SEC63: variants seen among roughly 807,000 people sequenced by gnomAD.
The protein encoded by SEC63 is translocation protein SEC63 homolog.
In SEC63, 56 loss-of-function variants were observed where a neutral mutation model predicts 116.2. The ratio of observed to expected loss-of-function variants is 0.48; its 90% CI spans 0.39 to 0.60. The LOEUF (loss-of-function observed/expected upper bound fraction) is 0.60, where lower values mean the gene tolerates loss of function less well. Ranked by LOEUF, SEC63 falls within the 20% of genes least tolerant of loss-of-function variation. The probability of loss-of-function intolerance (pLI) is 0.00; values close to 1 mark genes in which losing one functional copy is unlikely to be tolerated. For missense variants in SEC63, 668 were observed against 900.0 expected, an observed-to-expected ratio of 0.74 and a Z score of 3.30; for synonymous variants, 273 against 294.6, an observed-to-expected ratio of 0.93 and a Z score of 0.75.
Position 107,876,573 on chromosome 6 carries a change from A to T in SEC63, c.2025T>A (p.Asp675Glu), listed in dbSNP as rs141211769. The T allele has an allele frequency of 2.0e-4, 325 of 1,590,782 alleles. No homozygotes were observed. Among genetic ancestry groups the T allele is most frequent in the Non-Finnish European group, 2.6e-4 (300 of 1,163,772 alleles). The change falls in exon 19 of 21, where the codon GAT becomes GAA. Residue 675 changes from aspartate to glutamate, a missense_variant. By Grantham distance (45) the Asp-to-Glu change is conservative. Coordinates refer to ENST00000369002, the MANE Select transcript of SEC63 (RefSeq NM_007214.5). ...GTTGCTTGATAGTTACCTCCTCTGT[A>T]TCTTTCAGCGTACACACATGATATG... The part of the protein sequence containing the change: ...SMPYHVCTLK[D>E]TEEVELKFPA...
rs10685629 is a variant in SEC63, at chr6:107,894,520, A to AAAT, written c.1441-624_1441-623insATT. The stretch of plus-strand genomic sequence containing the variant: ...GAGACCCCATATCTATAAAAAAAAA[A>AAAT]CACCATGAAAATCTACATATCCTAA... On this transcript the variant is annotated intron_variant, in intron 14 of 20. Coordinates refer to ENST00000369002, the MANE Select transcript of SEC63 (RefSeq NM_007214.5). Among the ~76,000 whole-genome samples the AAAT allele has an allele frequency of 5.4e-3, 815 of 151,208 alleles. 16 individuals are homozygous for AAAT. Among genetic ancestry groups the AAAT allele is most frequent in the African/African-American group, 0.015 (636 of 41,278 alleles).
rs1786175387 is a variant in SEC63, at chr6:107,873,294, TG to T, written c.2035-383del. On this transcript the variant is annotated intron_variant, in intron 19 of 20. Coordinates refer to ENST00000369002, the MANE Select transcript of SEC63 (RefSeq NM_007214.5). ...ACTTCACTAGATAGGAGATACTTCC[TG>T]CCAAATTTTCTTATTTCTAGAATAA... 3.3e-5 allele frequency among the ~76,000 whole-genome samples: 5 copies of T among 152,316 alleles called. No individual in the cohort carries two copies. In the South Asian group the frequency reaches 1.0e-3, roughly 32 times the overall value.
At chr6:107,915,118 G>A (rs752368475) in intron 4 of SEC63, among the ~76,000 whole-genome samples, 9 of 152,064 alleles carry the variant, frequency 5.9e-5, no homozygotes, top group Admixed American at 5.2e-4. Flanking sequence ...TAAAAGCTGC[G>A]TAATTTTAGT....
intron 1 of SEC63, among the ~76,000 whole-genome samples, chr6:107,933,703 CCTCTCCCTCTCCCCA>C (rs1787861733): frequency 6.6e-6 from 1 of 151,456 alleles, no homozygotes; most frequent in Non-Finnish European, 1.5e-5. Flanking sequence ...CCTGCCCCTG[CCTCTCCCTCTCCCCA>C]CGGCCCACGG....
chr6:107,924,777 G>A (rs755128197), intron 3 of SEC63, 41 bp downstream of exon 3: 1 of 915,160 alleles, frequency 1.1e-6, no homozygotes, highest in Non-Finnish European at 1.8e-6. Context: ...ATTTTCATGG[G>A]ACCATTAAAC....
intron 1 of SEC63, among the ~76,000 whole-genome samples, chr6:107,936,781 G>A (rs1770255390): frequency 6.6e-6 from 1 of 152,162 alleles, no homozygotes; most frequent in South Asian, 2.1e-4. Flanking sequence ...TGAACTCTTA[G>A]CACCATAATC....
At chr6:107,906,411 C>T (rs369205906) in intron 10 of SEC63, 37 bp downstream of exon 10, 12 of 1,609,764 alleles carry the variant, frequency 7.5e-6, no homozygotes, top group Non-Finnish European at 9.4e-6. Context: ...CTGCTTTCAT[C>T]CCACTAAACC....
At chr6:107,877,086 T>C (rs993678244) in intron 18 of SEC63, 14 of 165,810 alleles carry the variant, frequency 8.4e-5, no homozygotes, top group South Asian at 2.8e-4. Context: ...TATATATATA[T>C]ACACATATAT....
At chr6:107,924,341 G>C (rs1301090095) in intron 3 of SEC63, among the ~76,000 whole-genome samples, 2 of 150,898 alleles carry the variant, frequency 1.3e-5, no homozygotes, top group African/African-American at 4.9e-5. Context: ...CACTTTGGGA[G>C]GCCGAGGTGG....
chr6:107,872,669 A>G (rs1436429859), intron 20 of SEC63, 139 bp downstream of exon 20: 1 of 618,496 alleles, frequency 1.6e-6, no homozygotes, highest in Non-Finnish European at 2.9e-6. Flanking sequence ...AGAGTAGTCC[A>G]TCAAGTATAT....
intron 16 of SEC63, among the ~76,000 whole-genome samples, chr6:107,888,926 C>A (rs1786606050): frequency 6.6e-6 from 1 of 152,168 alleles, no homozygotes. Flanking sequence ...AGCCTTGCAT[C>A]CCAGGGATGA....
intron 16 of SEC63, chr6:107,883,450 T>C: frequency 3.8e-6 from 1 of 265,394 alleles, no homozygotes; most frequent in East Asian, 9.2e-5. Context: ...GGTTCTGCTT[T>C]CAAAAACATC....
chr6:107,915,602 TA>T (rs1369803583), intron 4 of SEC63, among the ~76,000 whole-genome samples: 2 of 151,910 alleles, frequency 1.3e-5, no homozygotes, highest in African/African-American at 4.8e-5. Flanking sequence ...AATTCAATGG[TA>T]TAACTCCTAA....
chr6:107,889,317 T>A (rs534082959), intron 16 of SEC63, among the ~76,000 whole-genome samples: 4 of 152,186 alleles, frequency 2.6e-5, no homozygotes, highest in Non-Finnish European at 5.9e-5. Flanking sequence ...GATTTAGTCC[T>A]GGGAGGGTGT....
At chr6:107,906,314 T>G in intron 10 of SEC63, 134 bp downstream of exon 10, 1 of 1,022,184 alleles carries the variant, frequency 9.8e-7, no homozygotes, top group Non-Finnish European at 1.5e-6. Context: ...TTAAACCTCT[T>G]TTGTTTATAT....
chr6:107,873,006 T>TA, intron 19 of SEC63, 94 bp from the exon 20 acceptor site: 1 of 780,146 alleles, frequency 1.3e-6, no homozygotes, highest in Non-Finnish European at 2.2e-6. Context: ...AACAGCCAGG[T>TA]TTTTTCTGCA....
intron 1 of SEC63, among the ~76,000 whole-genome samples, chr6:107,948,198 T>C (rs867432834): frequency 6.6e-6 from 1 of 152,168 alleles, no homozygotes; most frequent in African/African-American, 2.4e-5. Flanking sequence ...CCAAAGCACC[T>C]TCCACTAGCC....
At chr6:107,911,150 GGTGGGGT>G (rs1333844253) in intron 7 of SEC63, 189 bp downstream of exon 7, 6 of 594,322 alleles carry the variant, frequency 1.0e-5, no homozygotes, top group African/African-American at 9.3e-5. Context: ...GGAGTGCAGA[GGTGGGGT>G]CATGGCTCAC....
Position 107,872,795 on chromosome 6 carries a change from T to TCA in SEC63, c.2139+11_2139+12dup. 1 of 1,376,020 alleles carries TCA rather than the reference T, an allele frequency of 7.3e-7. No individual in the cohort carries two copies. Among genetic ancestry groups the TCA allele is most frequent in the Non-Finnish European group, 1.0e-6 (1 of 975,544 alleles). 85.2% of individuals were successfully genotyped at this position (1,376,020 alleles called of 1,614,324 possible). A position where few individuals can be genotyped will look rare whatever the true frequency, so the allele number is the denominator to read the frequency against. Reference sequence around the variant, plus strand: ...CAGAAAACTCTTATTTATTGAAGAGTCACTATTCTTACCTTCAATGGTTTA... The same window carrying TCA: ...CAGAAAACTCTTATTTATTGAAGAGTCACACTATTCTTACCTTCAATGGTTTA... On this transcript the variant is annotated intron_variant, in intron 20 of 20. Transcript: ENST00000369002.
Sources: allele counts gnomAD v4.1 joint callset (sites outside exome capture counted in the v4.1 genomes callset), GRCh38; gene constraint gnomAD v4.1.1; transcripts MANE v1.5; gene names NCBI Gene and HGNC (gene_info 2026-07-23, HGNC 2026-07-21).